The following ATAD2B variants were observed in gnomAD, a reference collection of about 807,000 sequenced individuals.
ATAD2B encodes the protein ATPase family AAA domain containing 2B.
Under a neutral mutation model 167.6 loss-of-function variants are expected in ATAD2B, and 40 were observed. The ratio of observed to expected loss-of-function variants is 0.24; its 90% CI spans 0.19 to 0.31. The LOEUF (loss-of-function observed/expected upper bound fraction) is 0.31, where lower values mean the gene tolerates loss of function less well. Among genes scored for constraint, ATAD2B ranks in the 10% least tolerant of loss-of-function variants. ATAD2B has a pLI of 1.00. For missense variants in ATAD2B, 1,242 were observed against 1,757.2 expected (o/e 0.71, Z 5.24); for synonymous variants, 579 against 596.5 (o/e 0.97, Z 0.43).
chr2:23,800,085 T>TA (rs5829908), intron 18 of ATAD2B: 85,947 of 147,596 alleles, frequency 0.58, 25,389 homozygotes, highest in East Asian at 0.83. Context: ...GGCACTTATT[T>TA]AAAAAAAAAA....
At chr2:23,726,640 A>G in the ATAD2B span, among the ~76,000 whole-genome samples, 1 of 152,182 alleles carries the variant, frequency 6.6e-6, no homozygotes, top group Admixed American at 6.5e-5. Flanking sequence ...TTCAAGGGTC[A>G]ACTATACATA....
intron 17 of ATAD2B, among the ~76,000 whole-genome samples, chr2:23,812,308 C>CAA (rs61415389): frequency 0.033 from 4,572 of 140,622 alleles, 73 homozygotes; most frequent in African/African-American, 0.038. Flanking sequence ...CTATTCACTG[C>CAA]AAAAAAAAAA....
intron 1 of ATAD2B, among the ~76,000 whole-genome samples, chr2:23,901,378 G>A (rs944713002): frequency 1.4e-5 from 2 of 144,326 alleles, no homozygotes; most frequent in African/African-American, 5.1e-5. Flanking sequence ...TTTTCTTCAT[G>A]AAATCTCCCT....
chr2:23,827,624 T>A (rs903989057), intron 15 of ATAD2B, among the ~76,000 whole-genome samples: 1 of 152,136 alleles, frequency 6.6e-6, no homozygotes, highest in Non-Finnish European at 1.5e-5. Flanking sequence ...GGGTCTATTT[T>A]CAAAAAGGGA....
intron 2 of ATAD2B, among the ~76,000 whole-genome samples, chr2:23,888,953 T>G (rs12623333): frequency 0.12 from 18,340 of 152,182 alleles, 1,183 homozygotes; most frequent in Middle Eastern, 0.21. Context: ...ACTGGAAAGT[T>G]ACTAAAAAGG....
intron 1 of ATAD2B, among the ~76,000 whole-genome samples, chr2:23,907,959 C>T (rs1456142828): frequency 6.6e-6 from 1 of 151,980 alleles, no homozygotes; most frequent in African/African-American, 2.4e-5. Context: ...AAACTGGATC[C>T]CTTCCTTACA....
chr2:23,837,266 C>G (rs1436248102), intron 13 of ATAD2B, among the ~76,000 whole-genome samples: 1 of 152,212 alleles, frequency 6.6e-6, no homozygotes, highest in Non-Finnish European at 1.5e-5. Flanking sequence ...AAGATCGGAG[C>G]AGGCGCAGGA....
chr2:23,875,150 A>G (rs955742654), intron 8 of ATAD2B, among the ~76,000 whole-genome samples: 1 of 152,132 alleles, frequency 6.6e-6, no homozygotes, highest in Admixed American at 6.6e-5. Context: ...ATTTAGATTC[A>G]ACTCTGCTAA....
intron 1 of ATAD2B, among the ~76,000 whole-genome samples, chr2:23,896,744 C>A (rs916588045): frequency 3.3e-5 from 5 of 152,196 alleles, no homozygotes; most frequent in Admixed American, 6.5e-5. Context: ...GGTGCAGGAT[C>A]CTAAACAGAA....
intron 8 of ATAD2B, among the ~76,000 whole-genome samples, chr2:23,871,930 T>C (rs765164150): frequency 1.9e-4 from 29 of 152,036 alleles, no homozygotes; most frequent in Non-Finnish European, 3.4e-4. Flanking sequence ...CCGGCTAGAG[T>C]GCAATGGCGC....
At chr2:23,806,426 T>C (rs1684396335) in intron 18 of ATAD2B, among the ~76,000 whole-genome samples, 2 of 152,230 alleles carry the variant, frequency 1.3e-5, no homozygotes. Context: ...TCTTCTGTTC[T>C]ATTACTTTGT....
chr2:23,692,669 G>A, the ATAD2B span, among the ~76,000 whole-genome samples: 12 of 152,200 alleles, frequency 7.9e-5, no homozygotes, highest in Non-Finnish European at 1.6e-4. Context: ...AGCATGAAGG[G>A]GAAAGAGTGC....
chr2:23,703,947 A>G, the ATAD2B span: 1 of 1,405,768 alleles, frequency 7.1e-7, no homozygotes, highest in Non-Finnish European at 9.5e-7. Context: ...TCCTGCCATC[A>G]GTGACCATAG....
intron 7 of ATAD2B, among the ~76,000 whole-genome samples, chr2:23,876,421 C>T (rs1696851875): frequency 6.6e-6 from 1 of 151,952 alleles, no homozygotes; most frequent in Non-Finnish European, 1.5e-5. Context: ...CCTGCCTCAG[C>T]CTCCTGAGTA....
At chr2:23,890,108 G>T (rs534907158) in intron 2 of ATAD2B, among the ~76,000 whole-genome samples, 5 of 151,952 alleles carry the variant, frequency 3.3e-5, no homozygotes, top group African/African-American at 9.7e-5. Context: ...CCAGCTACTC[G>T]GGAGGCTGAG....
intron 25 of ATAD2B, 140 bp from the exon 26 acceptor site, chr2:23,754,914 A>C: frequency 1.2e-6 from 1 of 821,118 alleles, no homozygotes; most frequent in Non-Finnish European, 1.8e-6. Context: ...TTTTTTTTAA[A>C]GCAACCCAAT....
chr2:23,821,520 G>C (rs1196794847), intron 16 of ATAD2B, among the ~76,000 whole-genome samples: 2 of 152,174 alleles, frequency 1.3e-5, no homozygotes, highest in Admixed American at 6.5e-5. Flanking sequence ...TCTTATGTGA[G>C]TCTGTCACTA....
intron 13 of ATAD2B, 74 bp from the exon 14 acceptor site, chr2:23,834,152 CTTTTTTTTTTTT>C (rs11378615): frequency 2.0e-4 from 24 of 119,654 alleles, no homozygotes; most frequent in East Asian, 8.6e-4. Context: ...ATCAGTCTTT[CTTTTTTTTTTTT>C]TTTTTTTTTT....
chr2:23,768,096 G>C (rs1158780127), intron 22 of ATAD2B, among the ~76,000 whole-genome samples: 1 of 152,072 alleles, frequency 6.6e-6, no homozygotes, highest in Non-Finnish European at 1.5e-5. Context: ...TCTGTAATCT[G>C]CATTATTAAC....
Sources: gnomAD v4.1 joint callset for allele counts (sites outside exome capture counted in the v4.1 genomes callset) on GRCh38, gnomAD v4.1.1 for gene constraint, MANE v1.5 for transcripts, NCBI Gene and HGNC (gene_info 2026-07-23, HGNC 2026-07-21) for gene names.